The following LBX2 variants were observed in gnomAD, a reference collection of about 807,000 sequenced individuals.
The protein encoded by LBX2 is ladybird homeobox 2, also known as transcription factor LBX2.
In LBX2, 6 loss-of-function variants were observed where a neutral mutation model predicts 7.5. The observed-to-expected ratio is 0.80, with a 90% confidence interval of 0.44 to 1.59. The LOEUF is 1.59. Among genes scored for constraint, LBX2 ranks in the 40% most tolerant of loss-of-function variants. The pLI is 0.01. For synonymous variants in LBX2, 143 were observed against 133.2 expected (o/e 1.07, Z -0.51); for missense variants, 281 against 282.0 (o/e 1.00, Z 0.03).
chr2:74,498,296 C>T lies in LBX2; in HGVS notation c.228G>A (p.Leu76=), dbSNP rs779166945. Reference sequence around the variant, plus strand: ...GTTTGCGGCCGAAGGGACCAGGGCCCAGCGCGTCCGGACCTGCCCGCCCTG... The same window carrying T: ...GTTTGCGGCCGAAGGGACCAGGGCCTAGCGCGTCCGGACCTGCCCGCCCTG... The part of the protein sequence containing the change: ...PSEGRAGPDA[L]GPGPFGRKRR... Residue 76 remains leucine (L), a synonymous_variant, in exon 2 of 2, where the codon CTG becomes CTA. Coordinates refer to ENST00000377566, the MANE Select transcript of LBX2 (RefSeq NM_001282430.2). The T allele has an allele frequency of 2.6e-6, 4 of 1,558,220 alleles. No individual in the cohort carries two copies. The highest frequency in any genetic ancestry group is 4.5e-5 in the East Asian group (2 of 44,224).
At chr2:74,502,354 T>G (rs11676323), upstream of LBX2, 30 of 391,930 alleles carry the variant, frequency 7.7e-5, no homozygotes, top group East Asian at 1.4e-3. The surrounding 1 kb of genome is among the most constrained non-coding windows in gnomAD (Gnocchi z 5.4). Context: ...ATAAACGACC[T>G]TTAGTCTCGG....
Position 74,498,038 on chromosome 2 carries a change from C to T in LBX2, c.486G>A (p.Leu162=). The T allele has an allele frequency of 6.2e-7, 1 of 1,613,646 alleles. No individual in the cohort carries two copies. The highest frequency in any genetic ancestry group is 1.1e-5 in the South Asian group (1 of 91,060). Residue 162 remains leucine, a synonymous_variant, in exon 2 of 2, where the codon CTG becomes CTA. Coordinates refer to ENST00000377566, the MANE Select transcript of LBX2 (RefSeq NM_001282430.2). ...ASLRALSPEV[L]CSLALPEGAP... ...CGCCTTCGGGCAGTGCTAAGCTGCA[C>T]AGGACTTCCGGGGACAACGCGCGTA...
chr2:74,497,692 C>T lies in LBX2; in HGVS notation c.*235G>A, dbSNP rs999442737. The T allele has an allele frequency of 2.9e-5, 13 of 449,348 alleles. No individual in the cohort carries two copies. The highest frequency in any genetic ancestry group is 7.9e-5 in the Admixed American group (2 of 25,454). The allele number at this position is 449,348 out of a possible 1,614,324, so 27.8% of individuals were successfully genotyped here. A position where few individuals can be genotyped will look rare whatever the true frequency, so the allele number is the denominator to read the frequency against. ...AGGATCGCTTGAGCCCAGGAGGTCG[C>T]GACTGCAGTGAGCGGTGATCGCTCC... is the stretch of plus-strand genomic sequence containing the variant. On this transcript the variant is annotated 3_prime_UTR_variant, in exon 2 of 2. Coordinates refer to ENST00000377566, the MANE Select transcript of LBX2 (RefSeq NM_001282430.2).
Position 74,498,098 on chromosome 2 carries a change from G to T in LBX2, c.426C>A (p.Arg142=). The stretch of plus-strand genomic sequence containing the variant: ...CGTCGGCGCGCATCTCCTCCACATC[G>T]CGCTTGAGCTTGGCTCGCCGGTTCT... ...WFQNRRAKLK[R]DVEEMRADVA... is the part of the protein sequence containing the mutation. Residue 142 remains arginine, a synonymous_variant, in exon 2 of 2, where the codon CGC becomes CGA. Transcript: ENST00000377566. 6.2e-7 allele frequency: 1 copy of T among 1,613,210 alleles called. No individual in the cohort carries two copies. Among genetic ancestry groups the T allele is most frequent in the Non-Finnish European group, 8.5e-7 (1 of 1,179,740 alleles).
chr2:74,499,406 C>T lies in LBX2; in HGVS notation c.132G>A (p.Pro44=), dbSNP rs995369351. 1.2e-5 allele frequency: 18 copies of T among 1,550,478 alleles called. No homozygotes were observed. Among genetic ancestry groups the T allele is most frequent in the Middle Eastern group, 1.7e-4 (1 of 6,012 alleles). The part of the protein sequence containing the change: ...LPESGPGPTS[P]LCALEELTSK... ...TAGTCAGCTCCTCCAGCGCGCACAG[C>T]GGCGACGTTGGACCCGGACCCGACT... The change falls in exon 1 of 2, where the codon CCG becomes CCA. Residue 44 remains proline (P), a synonymous_variant. Transcript: ENST00000377566. This position sits in a 1 kb window ranked among gnomAD's most constrained non-coding sequence, Gnocchi z 4.6.
rs933108906 is a variant in LBX2, at chr2:74,498,563, G to A, written c.206-245C>T. On this transcript the variant is annotated intron_variant, in intron 1 of 1. Transcript: ENST00000377566. Reference sequence around the variant, plus strand: ...GGCTGAGGGCATATTGTAGGGGCAAGGAAGTGAAGGAAGGGAGGGATGATT... The same window carrying A: ...GGCTGAGGGCATATTGTAGGGGCAAAGAAGTGAAGGAAGGGAGGGATGATT... The A allele has an allele frequency of 1.5e-5, 8 of 538,464 alleles. No individual in the cohort carries two copies. The South Asian group carries it at 2.2e-4, about 15-fold the overall frequency. The allele number at this position is 538,464 out of a possible 1,614,324, so 33.4% of individuals were successfully genotyped here.
At chr2:74,498,715 G>T in intron 1 of LBX2, 1 of 236,486 alleles carries the variant, frequency 4.2e-6, no homozygotes. Flanking sequence ...ACCCAGCGTG[G>T]TGGTGGTAAC....
At chr2:74,502,935 G>T, upstream of LBX2, 1 of 1,298,430 alleles carries the variant, frequency 7.7e-7, no homozygotes, top group Non-Finnish European at 1.1e-6. The surrounding 1 kb of genome is among the most constrained non-coding windows in gnomAD (Gnocchi z 5.4). Flanking sequence ...GCAAATCCTG[G>T]TGCTGTCGCC....
chr2:74,498,255 G>C lies in LBX2; in HGVS notation c.269C>G (p.Thr90Ser). Residue 90 changes from threonine to serine, a missense_variant, in exon 2 of 2, where the codon ACT (threonine) becomes AGT (serine). Transcript: ENST00000377566. The part of the protein sequence containing the change: ...PFGRKRRKSR[T>S]AFTAQQVLEL... ...CAGCACCTGTTGCGCGGTGAACGCAGTGCGTGACTTGCGCCGTTTGCGGCC... is the reference window on the plus strand; with the variant it reads ...CAGCACCTGTTGCGCGGTGAACGCACTGCGTGACTTGCGCCGTTTGCGGCC... The C allele has an allele frequency of 6.3e-7, 1 of 1,599,216 alleles. No homozygotes were observed. The highest frequency in any genetic ancestry group is 1.7e-5 in the Admixed American group (1 of 59,650).
rs149434729 is a variant in LBX2 at position 74,498,030 on chromosome 2, A to G, written c.494T>C (p.Leu165Ser). 73 of 1,613,480 alleles carry G rather than the reference A, an allele frequency of 4.5e-5. 1 individual carries two copies. The highest frequency in any genetic ancestry group is 6.7e-5 in the Admixed American group (4 of 59,998). ...ATCTGGAGCGCCTTCGGGCAGTGCT[A>G]AGCTGCACAGGACTTCCGGGGACAA... ...RALSPEVLCS[L>S]ALPEGAPDPG... is the part of the protein sequence containing the mutation. Residue 165 changes from leucine (L) to serine (S), a missense_variant, in exon 2 of 2, where the codon TTA becomes TCA. Transcript: ENST00000377566.
In LBX2 at chr2:74,497,717, C is replaced by T; in HGVS notation, c.*210G>A. 1 of 561,294 alleles carries T rather than the reference C, an allele frequency of 1.8e-6. No individual in the cohort carries two copies. Among genetic ancestry groups the T allele is most frequent in the Non-Finnish European group, 3.0e-6 (1 of 333,282 alleles). 34.8% of individuals were successfully genotyped at this position (561,294 alleles called of 1,614,324 possible). On this transcript the variant is annotated 3_prime_UTR_variant, in exon 2 of 2. Coordinates refer to ENST00000377566, the MANE Select transcript of LBX2 (RefSeq NM_001282430.2). ...CGACTGCAGTGAGCGGTGATCGCTC[C>T]ACGGCACTCCAGCCTGGGCGACAGA...
chr2:74,498,236 C>G lies in LBX2; in HGVS notation c.288G>C (p.Gln96His). The stretch of plus-strand genomic sequence containing the variant: ...CGAAGCGCCGCTCCAGCTCCAGCAC[C>G]TGTTGCGCGGTGAACGCAGTGCGTG... The part of the protein sequence containing the change: ...RKSRTAFTAQ[Q>H]VLELERRFVF... The change falls in exon 2 of 2, where the codon CAG becomes CAC. Residue 96 changes from glutamine to histidine, a missense_variant. Transcript: ENST00000377566. 6.2e-7 allele frequency: 1 copy of G among 1,606,532 alleles called. No individual in the cohort carries two copies. Among genetic ancestry groups the G allele is most frequent in the South Asian group, 1.1e-5 (1 of 90,856 alleles).
rs780181275 is a variant in LBX2, at chr2:74,499,204, C to T, written c.205+129G>A. On this transcript the variant is annotated intron_variant, in intron 1 of 1. Coordinates refer to ENST00000377566, the MANE Select transcript of LBX2 (RefSeq NM_001282430.2). This position sits in a 1 kb window ranked among gnomAD's most constrained non-coding sequence, Gnocchi z 4.6. ...GAAGTCGCAGGTGCGAGTCCTGGCA[C>T]GTGGGCTGAGGACAGGGGAGGATTA... is the stretch of plus-strand genomic sequence containing the variant. 36 of 810,568 alleles carry T rather than the reference C, an allele frequency of 4.4e-5. No homozygotes were observed. Among genetic ancestry groups the T allele is most frequent in the East Asian group, 3.5e-4 (13 of 37,252 alleles). 50.2% of individuals were successfully genotyped at this position (810,568 alleles called of 1,614,324 possible). A position where few individuals can be genotyped will look rare whatever the true frequency, so the allele number is the denominator to read the frequency against.
upstream of LBX2, chr2:74,503,146 A>G: frequency 2.5e-6 from 1 of 397,922 alleles, no homozygotes; most frequent in Non-Finnish European, 4.5e-6. This position sits in a 1 kb window ranked among gnomAD's most constrained non-coding sequence, Gnocchi z 5.1. Flanking sequence ...GCGCGTTCTC[A>G]GTCGCGCGAA....
In LBX2 at chr2:74,499,103, G is replaced by C. The variant is rs1174978191; in HGVS notation, c.205+230C>G. On this transcript the variant is annotated intron_variant, in intron 1 of 1. Coordinates refer to ENST00000377566, the MANE Select transcript of LBX2 (RefSeq NM_001282430.2). This position sits in a 1 kb window ranked among gnomAD's most constrained non-coding sequence, Gnocchi z 4.6. ...AGCAACAGGTCGCTCAGTTGGCGAC[G>C]GTCTGCCCTTTTCCCTTGGCACTGG... The C allele has an allele frequency of 3.4e-6, 2 of 592,440 alleles. No homozygotes were observed. Among genetic ancestry groups the C allele is most frequent in the South Asian group, 4.1e-5 (2 of 49,098 alleles). 36.7% of individuals were successfully genotyped at this position (592,440 alleles called of 1,614,324 possible).
chr2:74,499,409 C>G lies in LBX2; in HGVS notation c.129G>C (p.Ser43=), dbSNP rs1329160884. The G allele has an allele frequency of 6.4e-7, 1 of 1,550,614 alleles. No homozygotes were observed. Among genetic ancestry groups the G allele is most frequent in the Non-Finnish European group, 8.7e-7 (1 of 1,146,990 alleles). The change falls in exon 1 of 2, where the codon TCG becomes TCC. Residue 43 remains serine (S), a synonymous_variant. Transcript: ENST00000377566. The surrounding 1 kb of genome is among the most constrained non-coding windows in gnomAD (Gnocchi z 4.6). ...QLPESGPGPT[S]PLCALEELTS... is the part of the protein sequence containing the mutation. ...TCAGCTCCTCCAGCGCGCACAGCGGCGACGTTGGACCCGGACCCGACTCTG... is the reference window on the plus strand; with the variant it reads ...TCAGCTCCTCCAGCGCGCACAGCGGGGACGTTGGACCCGGACCCGACTCTG...
upstream of LBX2, among the ~76,000 whole-genome samples, chr2:74,500,069 C>T (rs989221175): frequency 1.8e-4 from 27 of 152,180 alleles, no homozygotes; most frequent in Non-Finnish European, 2.4e-4. Flanking sequence ...CCCACCCCAC[C>T]CCTGAGAAAC....
At position 74,499,594 on chromosome 2, in the gene LBX2, G is replaced by T; in HGVS notation, c.-57C>A. 6.7e-7 allele frequency: 1 copy of T among 1,500,974 alleles called. No homozygotes were observed. Among genetic ancestry groups the T allele is most frequent in the South Asian group, 1.3e-5 (1 of 79,352 alleles). The allele number at this position is 1,500,974 out of a possible 1,614,324, so 93.0% of individuals were successfully genotyped here. A position where few individuals can be genotyped will look rare whatever the true frequency, so the allele number is the denominator to read the frequency against. ...GTTGCGCTAGGCTCCGCAAACGCCTGGGCCCCAGTGCTCGGCTCCCAATCC... is the reference window on the plus strand; with the variant it reads ...GTTGCGCTAGGCTCCGCAAACGCCTTGGCCCCAGTGCTCGGCTCCCAATCC... On this transcript the variant is annotated 5_prime_UTR_variant, in exon 1 of 2. Coordinates refer to ENST00000377566, the MANE Select transcript of LBX2 (RefSeq NM_001282430.2). This position sits in a 1 kb window ranked among gnomAD's most constrained non-coding sequence, Gnocchi z 4.6.
chr2:74,499,637 C>G (rs1007144606), upstream of LBX2: 5 of 1,296,008 alleles, frequency 3.9e-6, no homozygotes, highest in South Asian at 5.9e-5. The surrounding 1 kb of genome is among the most constrained non-coding windows in gnomAD (Gnocchi z 4.6). Flanking sequence ...CAGCCTCGGA[C>G]CCGCCCCCGG....
Sources: allele counts gnomAD v4.1 joint callset (sites outside exome capture counted in the v4.1 genomes callset), GRCh38; gene constraint gnomAD v4.1.1; non-coding constraint Gnocchi (gnomAD v3.1); transcripts MANE v1.5; gene names NCBI Gene and HGNC (gene_info 2026-07-23, HGNC 2026-07-21).